Variants in PON3 observed in about 807,000 individuals in gnomAD.
PON3 encodes the protein serum paraoxonase/lactonase 3.
PON3 carries 37 observed loss-of-function variants against 36.3 expected under a neutral mutation model. That is an observed-to-expected ratio of 1.02 (90% CI 0.78 to 1.34). The LOEUF (loss-of-function observed/expected upper bound fraction) is 1.34. PON3 is among the 40% of genes most tolerant of loss of function. PON3 has a pLI of 0.00. For missense variants in PON3, 415 were observed against 426.5 expected, an observed-to-expected ratio of 0.97 and a Z score of 0.24; for synonymous variants, 155 against 154.8, an observed-to-expected ratio of 1.00 and a Z score of -0.01.
chr7:95,361,738 T>G (rs892905081), intron 8 of PON3, among the ~76,000 whole-genome samples: 4 of 152,206 alleles, frequency 2.6e-5, no homozygotes, highest in African/African-American at 9.6e-5. Context: ...GCCTAGAATT[T>G]ATAGCTATAT....
intron 3 of PON3, among the ~76,000 whole-genome samples, chr7:95,383,752 C>G (rs1358998579): frequency 6.6e-6 from 1 of 152,120 alleles, no homozygotes; most frequent in African/African-American, 2.4e-5. Flanking sequence ...TAGGAAGAAT[C>G]AATATCGTGA....
intron 3 of PON3, among the ~76,000 whole-genome samples, chr7:95,378,253 G>C (rs144073619): frequency 6.6e-6 from 1 of 152,202 alleles, no homozygotes; most frequent in African/African-American, 2.4e-5. Context: ...ATGGGACTCT[G>C]TGAAAAGACC....
chr7:95,396,291 C>G lies in PON3; in HGVS notation c.60G>C (p.Met20Ile). 6.2e-7 allele frequency: 1 copy of G among 1,614,070 alleles called. No individual in the cohort carries two copies. ...ATGCCACTCACCTAAACGCCAGGAA[C>G]ATCTCCCCGACTAAGGACAGGCCGA... Reference protein sequence around the residue: ...LGVGLSLVGEMFLAFRERVNA... With the variant: ...LGVGLSLVGEIFLAFRERVNA... Residue 20 changes from methionine to isoleucine, a missense_variant, in exon 1 of 9, where the codon ATG becomes ATC. Transcript: ENST00000265627.
Position 95,360,047 on chromosome 7 carries a change from A to G in PON3, c.991T>C (p.Ser331Pro). The change falls in exon 9 of 9, where the codon TCT (serine) becomes CCT (proline). Residue 331 changes from serine to proline, a missense_variant. Coordinates refer to ENST00000265627, the MANE Select transcript of PON3 (RefSeq NM_000940.3). The part of the protein sequence containing the change: ...ANNGSVLQGT[S>P]VASVYHGKIL... ...TTCCCATGGTACACAGAAGCCACAG[A>G]GGTGCCCTGAAGCACAGAGCCATTG... 1 of 1,613,530 alleles carries G rather than the reference A, an allele frequency of 6.2e-7. No homozygotes were observed. The highest frequency in any genetic ancestry group is 8.5e-7 in the Non-Finnish European group (1 of 1,179,654).
Position 95,360,073 on chromosome 7 carries a change from T to A in PON3, c.965A>T (p.Asn322Ile), listed in dbSNP as rs758631113. 1.2e-6 allele frequency: 2 copies of A among 1,613,726 alleles called. No individual in the cohort carries two copies. Among genetic ancestry groups the A allele is most frequent in the Non-Finnish European group, 1.7e-6 (2 of 1,179,672 alleles). ...EKPRVSTVYA[N>I]NGSVLQGTSV... ...GGTGCCCTGAAGCACAGAGCCATTG[T>A]TGGCATACACGGTGCTCACCCTGGG... The change falls in exon 9 of 9, where the codon AAC becomes ATC. Residue 322 changes from asparagine to isoleucine, a missense_variant. Asn to Ile is a moderately radical substitution (Grantham distance 149). Transcript: ENST00000265627.
intron 2 of PON3, among the ~76,000 whole-genome samples, chr7:95,391,131 C>T (rs1269027904): frequency 2.0e-5 from 3 of 152,158 alleles, no homozygotes; most frequent in African/African-American, 7.2e-5. Flanking sequence ...TACAGGCACT[C>T]TGATAAAGGA....
chr7:95,392,969 A>G (rs1809352881), intron 2 of PON3, among the ~76,000 whole-genome samples: 1 of 152,140 alleles, frequency 6.6e-6, no homozygotes, highest in Non-Finnish European at 1.5e-5. Flanking sequence ...CCCTTCTCCA[A>G]CAGAATCCCT....
chr7:95,392,248 A>G (rs1460812777), intron 2 of PON3, among the ~76,000 whole-genome samples: 1 of 152,260 alleles, frequency 6.6e-6, no homozygotes, highest in African/African-American at 2.4e-5. Context: ...GCCAATAGAC[A>G]TGAGAAGTAA....
chr7:95,364,136 C>A (rs1808640262), intron 5 of PON3, 73 bp from the exon 6 acceptor site: 1 of 1,158,680 alleles, frequency 8.6e-7, no homozygotes, highest in African/African-American at 1.5e-5. Context: ...CAAAATCACT[C>A]ATCTCTACAT....
At chr7:95,365,303 GCTCATGCCTACTGTGGGCCT>G (rs1205992034) in intron 5 of PON3, 1 of 152,268 alleles carries the variant, frequency 6.6e-6, no homozygotes, top group African/African-American at 2.4e-5. Flanking sequence ...CAGTGTCTCA[GCTCATGCCTACTGTGGGCCT>G]CTTGCCTCCC....
chr7:95,367,353 A>C lies in PON3; in HGVS notation c.494+9T>G, dbSNP rs201191773. The C allele has an allele frequency of 3.1e-6, 5 of 1,611,206 alleles. No individual in the cohort carries two copies. Among genetic ancestry groups the C allele is most frequent in the Non-Finnish European group, 4.2e-6 (5 of 1,179,582 alleles). On this transcript the variant is annotated intron_variant, in intron 5 of 8. Transcript: ENST00000265627. ...GTAAATAGAACCGCACAATACTTTC[A>C]TTCCATACCTTTTGAGAAGTTCATG...
chr7:95,387,352 A>G (rs1341196128), intron 3 of PON3, among the ~76,000 whole-genome samples: 4 of 152,210 alleles, frequency 2.6e-5, no homozygotes, highest in Admixed American at 6.5e-5. Context: ...ACAGACAGAG[A>G]GCCAATCATG....
chr7:95,390,276 A>G (rs1020276544), intron 2 of PON3, 67 bp from the exon 3 acceptor site: 7 of 1,230,632 alleles, frequency 5.7e-6, no homozygotes, highest in Admixed American at 5.0e-5. Context: ...CTCACAGTCC[A>G]AACTACAAAT....
chr7:95,363,321 T>C (rs551989123), intron 6 of PON3, among the ~76,000 whole-genome samples: 64 of 152,182 alleles, frequency 4.2e-4, no homozygotes, highest in Admixed American at 1.4e-3. Context: ...GGTACTTCTG[T>C]TTATAAAAAA....
In PON3 at chr7:95,360,176, CCT is replaced by C. The variant is rs755430252; in HGVS notation, c.907-47_907-46del. The stretch of plus-strand genomic sequence containing the variant: ...TATTAGTATATTATGTGAGTAAACA[CCT>C]GTTTCATGATGTCCTTCCCAAACAT... On this transcript the variant is annotated intron_variant, in intron 8 of 8. Transcript: ENST00000265627. 2.6e-6 allele frequency: 4 copies of C among 1,529,110 alleles called. No homozygotes were observed. The African/African-American group carries it at 5.5e-5, about 21-fold the overall frequency. The allele number at this position is 1,529,110 out of a possible 1,614,324, so 94.7% of individuals were successfully genotyped here.
intron 3 of PON3, among the ~76,000 whole-genome samples, chr7:95,381,680 C>T (rs1052470923): frequency 2.0e-5 from 3 of 152,164 alleles, no homozygotes; most frequent in Non-Finnish European, 2.9e-5. Context: ...GCACCCAATA[C>T]AGGAGCACCC....
Position 95,360,014 on chromosome 7 carries a change from T to A in PON3, c.1024A>T (p.Ile342Leu). The change falls in exon 9 of 9, where the codon ATA (isoleucine) becomes TTA (leucine). Residue 342 changes from isoleucine to leucine, a missense_variant. Ile to Leu is a conservative substitution (Grantham distance 5). Coordinates refer to ENST00000265627, the MANE Select transcript of PON3 (RefSeq NM_000940.3). ...VASVYHGKIL[I>L]GTVFHKTLYC... Reference sequence around the variant, plus strand: ...AGAGTTTTGTGAAATACGGTGCCTATGAGAATTTTCCCATGGTACACAGAA... The same window carrying A: ...AGAGTTTTGTGAAATACGGTGCCTAAGAGAATTTTCCCATGGTACACAGAA... The A allele has an allele frequency of 1.2e-6, 2 of 1,613,610 alleles. No individual in the cohort carries two copies. The highest frequency in any genetic ancestry group is 3.3e-4 in the Middle Eastern group (2 of 6,058).
rs564765596 is a variant in PON3, at chr7:95,362,375, G to A, written c.893C>T (p.Pro298Leu). ...ATAGGAACTTACTTCTGATCCTGGA[G>A]GGTCCTCAGGGTTATAGTTCAGTAG... ...MKLLNYNPEDPPGSEVLRIQN... is the reference protein window; with the variant it reads ...MKLLNYNPEDLPGSEVLRIQN... The change falls in exon 8 of 9, where the codon CCT becomes CTT. Residue 298 changes from proline (P) to leucine (L), a missense_variant. Physicochemically the swap from Pro to Leu is moderately conservative, Grantham distance 98. Coordinates refer to ENST00000265627, the MANE Select transcript of PON3 (RefSeq NM_000940.3). The A allele has an allele frequency of 9.7e-5, 157 of 1,613,728 alleles. 2 individuals carry two copies. The South Asian group carries it at 1.6e-3, about 17-fold the overall frequency.
At chr7:95,371,303 C>T (rs1167776748) in intron 4 of PON3, among the ~76,000 whole-genome samples, 1 of 146,396 alleles carries the variant, frequency 6.8e-6, no homozygotes, top group Admixed American at 6.6e-5. Flanking sequence ...TTCTCTTGAG[C>T]ATACACCAAG....
Sources: allele counts gnomAD v4.1 joint callset (sites outside exome capture counted in the v4.1 genomes callset), GRCh38; gene constraint gnomAD v4.1.1; transcripts MANE v1.5; gene names NCBI Gene and HGNC (gene_info 2026-07-23, HGNC 2026-07-21).